GMDS: variants seen among roughly 807,000 people sequenced by gnomAD.
The protein encoded by GMDS is GDP-mannose 4,6-dehydratase.
Under a neutral mutation model 49.9 loss-of-function variants are expected in GMDS, and 20 were observed. That is an observed-to-expected ratio of 0.40 (90% confidence interval 0.28 to 0.58). The LOEUF (loss-of-function observed/expected upper bound fraction) is 0.58, where lower values mean the gene tolerates loss of function less well. Ranked by LOEUF, GMDS falls within the 20% of genes least tolerant of loss-of-function variation. The pLI is 0.42. For missense variants in GMDS, 362 were observed against 481.4 expected (o/e 0.75, Z 2.32); for synonymous variants, 177 against 178.6 (o/e 0.99, Z 0.07).
intron 7 of GMDS, among the ~76,000 whole-genome samples, chr6:1,804,082 G>A (rs1006051550): frequency 6.6e-6 from 1 of 152,204 alleles, no homozygotes; most frequent in Non-Finnish European, 1.5e-5. Context: ...TAAGCATAAG[G>A]TGACTGCTCA....
In GMDS at chr6:2,178,194, C is replaced by T. The variant is rs186371276; in HGVS notation, c.103-53463G>A. 3.8e-3 allele frequency among the ~76,000 whole-genome samples: 586 copies of T among 152,270 alleles called. 2 individuals carry two copies. Among genetic ancestry groups the T allele is most frequent in the Middle Eastern group, 6.8e-3 (2 of 292 alleles). On this transcript the variant is annotated intron_variant, in intron 1 of 10. Coordinates refer to ENST00000380815, the MANE Select transcript of GMDS (RefSeq NM_001500.4). ...CTACTTATTGTGTACTGTATTAGTC[C>T]ATTCTTGCACTGCTATAAAGAAATA...
At chr6:1,882,635 G>A (rs1028655272) in intron 7 of GMDS, among the ~76,000 whole-genome samples, 5 of 152,170 alleles carry the variant, frequency 3.3e-5, no homozygotes, top group Non-Finnish European at 5.9e-5. Flanking sequence ...AGAACTCAAC[G>A]TCATAAGCAG....
At chr6:1,716,622 G>A (rs1227859641) in intron 9 of GMDS, among the ~76,000 whole-genome samples, 1 of 152,158 alleles carries the variant, frequency 6.6e-6, no homozygotes, top group African/African-American at 2.4e-5. Context: ...AGGGCAGGGT[G>A]TGGTGATATT....
intron 7 of GMDS, among the ~76,000 whole-genome samples, chr6:1,892,723 C>T (rs1288052436): frequency 1.3e-5 from 2 of 152,174 alleles, no homozygotes; most frequent in African/African-American, 4.8e-5. Context: ...AACAGACAGA[C>T]ACAAATTTAT....
rs1763119989 is a variant in GMDS at position 1,635,560 on chromosome 6, G to C, written c.988-11020C>G. On this transcript the variant is annotated intron_variant, in intron 9 of 10. Transcript: ENST00000380815. This position sits in a 1 kb window ranked among gnomAD's most constrained non-coding sequence, Gnocchi z 4.7. ...GCTGACTTTGATGGGAGCTTTGGTG[G>C]GGACTCCGAGGGCGACACTGTGCGG... Among the ~76,000 whole-genome samples, 1 of 152,176 alleles carries C rather than the reference G, an allele frequency of 6.6e-6. No individual in the cohort carries two copies. Among genetic ancestry groups the C allele is most frequent in the Admixed American group, 6.5e-5 (1 of 15,286 alleles).
chr6:1,994,406 C>G (rs527555632), intron 4 of GMDS, among the ~76,000 whole-genome samples: 1 of 152,202 alleles, frequency 6.6e-6, no homozygotes, highest in Admixed American at 6.5e-5. Flanking sequence ...AAATGATATG[C>G]TATATTCCAT....
chr6:1,981,769 C>T (rs979787973), intron 4 of GMDS, among the ~76,000 whole-genome samples: 1 of 152,142 alleles, frequency 6.6e-6, no homozygotes, highest in Non-Finnish European at 1.5e-5. Context: ...GTGCAAAAAT[C>T]CTCAACCAAA....
At chr6:1,641,488 TG>T (rs1164802439) in intron 9 of GMDS, among the ~76,000 whole-genome samples, 2 of 152,216 alleles carry the variant, frequency 1.3e-5, no homozygotes, top group African/African-American at 4.8e-5. Context: ...ACCTGGCAAG[TG>T]CCTGCCTGAC....
At chr6:1,852,834 GT>G (rs1220985404) in intron 7 of GMDS, among the ~76,000 whole-genome samples, 1 of 151,808 alleles carries the variant, frequency 6.6e-6, no homozygotes, top group Non-Finnish European at 1.5e-5. Context: ...AGCCTCCTGA[GT>G]AGCTGGGATT....
At chr6:2,173,066 C>T (rs543839934) in intron 1 of GMDS, among the ~76,000 whole-genome samples, 4 of 152,106 alleles carry the variant, frequency 2.6e-5, no homozygotes, top group East Asian at 1.9e-4. Context: ...TAAAATGACA[C>T]AAATATTAGA....
intron 7 of GMDS, among the ~76,000 whole-genome samples, chr6:1,817,798 G>C (rs1280971084): frequency 6.6e-6 from 1 of 152,164 alleles, no homozygotes; most frequent in Non-Finnish European, 1.5e-5. Flanking sequence ...TCAAGGGTCT[G>C]CACCCTAGGA....
At chr6:1,942,715 G>C (rs1474179171) in intron 6 of GMDS, among the ~76,000 whole-genome samples, 1 of 152,214 alleles carries the variant, frequency 6.6e-6, no homozygotes, top group African/African-American at 2.4e-5. Flanking sequence ...GAAGATATCT[G>C]AGTTACTGGT....
chr6:1,906,674 G>T (rs1760791959), intron 7 of GMDS, among the ~76,000 whole-genome samples: 1 of 152,156 alleles, frequency 6.6e-6, no homozygotes, highest in Non-Finnish European at 1.5e-5. Flanking sequence ...AAGCCTACGG[G>T]TCCTGGGTTT....
intron 7 of GMDS, among the ~76,000 whole-genome samples, chr6:1,743,772 T>TAA (rs11361365): frequency 2.8e-5 from 4 of 144,904 alleles, no homozygotes; most frequent in Admixed American, 6.8e-5. Flanking sequence ...GATGAAGATT[T>TAA]AAAAAAAAAA....
At chr6:1,715,868 T>G (rs1766157043) in intron 9 of GMDS, among the ~76,000 whole-genome samples, 1 of 152,216 alleles carries the variant, frequency 6.6e-6, no homozygotes, top group South Asian at 2.1e-4. Context: ...CAAAAACTGA[T>G]TCAGAAACAA....
chr6:2,153,018 C>T (rs1257373064), intron 1 of GMDS, among the ~76,000 whole-genome samples: 2 of 151,838 alleles, frequency 1.3e-5, no homozygotes, highest in South Asian at 2.1e-4. Flanking sequence ...AGGCGGAAGT[C>T]GCTGCACTCC....
chr6:2,110,203 C>CA lies in GMDS; in HGVS notation c.345+5567dup, dbSNP rs1385681994. 4.6e-5 allele frequency among the ~76,000 whole-genome samples: 7 copies of CA among 152,056 alleles called. 1 individual carries two copies. In the South Asian group the frequency reaches 1.3e-3, roughly 27 times the overall value. On this transcript the variant is annotated intron_variant, in intron 4 of 10. Transcript: ENST00000380815. ...CCTTTCACCAACCGCCCTTCCCCCC[C>CA]ATAATGCAATTCTCCCAATGTATTT... is the stretch of plus-strand genomic sequence containing the variant.
At chr6:1,897,611 T>C (rs1439871983) in intron 7 of GMDS, among the ~76,000 whole-genome samples, 2 of 152,196 alleles carry the variant, frequency 1.3e-5, no homozygotes, top group African/African-American at 4.8e-5. Context: ...AGACTGAAAA[T>C]GAGTGGCCAA....
intron 4 of GMDS, among the ~76,000 whole-genome samples, chr6:2,102,928 A>G (rs1466411913): frequency 6.6e-6 from 1 of 152,236 alleles, no homozygotes; most frequent in Middle Eastern, 3.2e-3. Flanking sequence ...CGCCTACACT[A>G]CTAAAAATAT....
Sources: gnomAD v4.1 joint callset for allele counts (sites outside exome capture counted in the v4.1 genomes callset) on GRCh38, gnomAD v4.1.1 for gene constraint, Gnocchi (gnomAD v3.1) non-coding constraint, MANE v1.5 for transcripts, NCBI Gene and HGNC (gene_info 2026-07-23, HGNC 2026-07-21) for gene names.